The following PTPRN2 variants were observed in gnomAD, a reference collection of about 807,000 sequenced individuals.
PTPRN2 encodes protein tyrosine phosphatase receptor type N2, also known as receptor-type tyrosine-protein phosphatase N2.
A neutral mutation model predicts 118.8 loss-of-function variants in PTPRN2; 74 were observed. The observed-to-expected ratio is 0.62, with a 90% CI of 0.52 to 0.76. PTPRN2 has a LOEUF of 0.76. Among genes scored for constraint, PTPRN2 ranks in the 30% least tolerant of loss-of-function variants. PTPRN2 has a pLI of 0.00. For synonymous variants in PTPRN2, 641 were observed against 608.0 expected (o/e 1.05, Z -0.80); for missense variants, 1,481 against 1,394.4 (o/e 1.06, Z -0.99).
chr7:157,672,128 TG>T (rs1454308632), intron 13 of PTPRN2, among the ~76,000 whole-genome samples: 5 of 152,042 alleles, frequency 3.3e-5, no homozygotes, highest in African/African-American at 1.2e-4. Context: ...CCGCCTCACT[TG>T]GGGTTGATTT....
chr7:158,133,791 G>C lies in PTPRN2; in HGVS notation c.1442C>G (p.Ser481Trp), dbSNP rs369875860. The change falls in exon 9 of 23, where the codon TCG becomes TGG. Residue 481 changes from serine to tryptophan, a missense_variant. By Grantham distance (177) the Ser-to-Trp change is radical. This residue lies in a region of PTPRN2 where 1,115 missense variants were observed against 994.2 expected (regional missense o/e 1.12). Transcript: ENST00000389418. ...GELQNQMPGP[S>W]KEEQSLPAGA... ...CGCTGGAAGGCTCTGCTCCTCCTTCGAGGGCCCAGGCATCTGGTTTTGGAG... is the reference window on the plus strand; with the variant it reads ...CGCTGGAAGGCTCTGCTCCTCCTTCCAGGGCCCAGGCATCTGGTTTTGGAG... 1 of 1,613,812 alleles carries C rather than the reference G, an allele frequency of 6.2e-7. No homozygotes were observed. Among genetic ancestry groups the C allele is most frequent in the Non-Finnish European group, 8.5e-7 (1 of 1,180,028 alleles).
chr7:158,528,518 G>A (rs1824961744), intron 1 of PTPRN2, among the ~76,000 whole-genome samples: 3 of 152,084 alleles, frequency 2.0e-5, no homozygotes, highest in Admixed American at 1.3e-4. Context: ...CAGGCTCGGT[G>A]GCTCACACCT....
At chr7:158,097,607 C>A (rs1814737618) in intron 10 of PTPRN2, among the ~76,000 whole-genome samples, 1 of 152,190 alleles carries the variant, frequency 6.6e-6, no homozygotes, top group African/African-American at 2.4e-5. Context: ...TCTTTGGCAT[C>A]CTTTTTCCCA....
intron 11 of PTPRN2, among the ~76,000 whole-genome samples, chr7:157,962,315 G>A (rs748575854): frequency 6.6e-6 from 1 of 151,786 alleles, no homozygotes; most frequent in East Asian, 2.1e-4. Flanking sequence ...CCACACTTCA[G>A]CAGGAGTGTT....
rs143879886 is a variant in PTPRN2, at chr7:158,312,606, C to T, written c.277+4213G>A. On this transcript the variant is annotated intron_variant, in intron 3 of 22. Transcript: ENST00000389418. ...AAACACTCCCCCCATGTGAGGCTGA[C>T]AAAACTCAGGAAGACACCAGGATTT... Among the ~76,000 whole-genome samples, 933 of 151,174 alleles carry T rather than the reference C, an allele frequency of 6.2e-3. 15 individuals carry two copies. The highest frequency in any genetic ancestry group is 6.9e-3 in the Non-Finnish European group (470 of 67,852).
intron 3 of PTPRN2, among the ~76,000 whole-genome samples, chr7:158,211,207 A>T (rs1205331688): frequency 1.3e-5 from 2 of 152,288 alleles, no homozygotes; most frequent in East Asian, 3.9e-4. Context: ...AAGACCTCAA[A>T]CTATGAAACG....
intron 1 of PTPRN2, among the ~76,000 whole-genome samples, chr7:158,510,105 C>T (rs1316270230): frequency 1.3e-5 from 2 of 152,238 alleles, no homozygotes; most frequent in Non-Finnish European, 2.9e-5. Context: ...AGAGACACCT[C>T]AGAGCCTGTA....
At chr7:158,488,104 C>T (rs559048839) in intron 2 of PTPRN2, among the ~76,000 whole-genome samples, 1 of 152,308 alleles carries the variant, frequency 6.6e-6, no homozygotes, top group Admixed American at 6.5e-5. Context: ...GGCTTTTATT[C>T]TGCTGGGGCT....
chr7:157,778,067 A>T (rs1176153679), intron 12 of PTPRN2, among the ~76,000 whole-genome samples: 1 of 152,194 alleles, frequency 6.6e-6, no homozygotes, highest in Non-Finnish European at 1.5e-5. Flanking sequence ...AAAGTTACAG[A>T]ACCAGAGTCT....
At chr7:157,851,945 CCCGTTTT>C (rs1809308054) in intron 12 of PTPRN2, among the ~76,000 whole-genome samples, 1 of 152,116 alleles carries the variant, frequency 6.6e-6, no homozygotes, top group African/African-American at 2.4e-5. Flanking sequence ...GCGGGCAACA[CCCGTTTT>C]CCTAAAGATT....
At chr7:158,147,482 C>A (rs1214990140) in intron 6 of PTPRN2, among the ~76,000 whole-genome samples, 4 of 38,226 alleles carry the variant, frequency 1.0e-4, no homozygotes, top group Non-Finnish European at 2.3e-4. Flanking sequence ...GTCTTTCCCC[C>A]TCACTGACAC....
intron 2 of PTPRN2, among the ~76,000 whole-genome samples, chr7:158,472,753 C>T (rs939899299): frequency 3.3e-5 from 5 of 152,198 alleles, no homozygotes; most frequent in African/African-American, 7.2e-5. Flanking sequence ...AATGATTAGA[C>T]GGCGCCTCTA....
At chr7:158,535,911 A>G in intron 1 of PTPRN2, among the ~76,000 whole-genome samples, 1 of 149,356 alleles carries the variant, frequency 6.7e-6, no homozygotes. Flanking sequence ...TACTTCAAAA[A>G]TGAGTAATCT....
intron 6 of PTPRN2, among the ~76,000 whole-genome samples, chr7:158,151,033 C>G (rs187834378): frequency 5.4e-5 from 8 of 147,778 alleles, no homozygotes; most frequent in Non-Finnish European, 1.1e-4. Flanking sequence ...GGCCCTGTCA[C>G]TGTCCTGCCC....
intron 13 of PTPRN2, among the ~76,000 whole-genome samples, chr7:157,657,440 A>C (rs138004765): frequency 3.4e-5 from 3 of 87,892 alleles, no homozygotes; most frequent in East Asian, 7.7e-4. Flanking sequence ...ACACACACAC[A>C]CCACACACAT....
At chr7:158,291,440 T>C (rs1422440822) in intron 3 of PTPRN2, among the ~76,000 whole-genome samples, 2 of 152,238 alleles carry the variant, frequency 1.3e-5, no homozygotes, top group Non-Finnish European at 2.9e-5. Context: ...TTTTTTAGTC[T>C]AAGCTCTAGG....
chr7:157,709,641 C>A (rs555422267), intron 12 of PTPRN2, among the ~76,000 whole-genome samples: 1 of 152,206 alleles, frequency 6.6e-6, no homozygotes, highest in African/African-American at 2.4e-5. Context: ...CAGGAATGGG[C>A]GGTCCTGCTA....
intron 9 of PTPRN2, among the ~76,000 whole-genome samples, chr7:158,127,777 G>T (rs902510600): frequency 3.9e-5 from 6 of 152,178 alleles, no homozygotes; most frequent in African/African-American, 9.7e-5. Context: ...TTGCTGAGAG[G>T]TAAGGGGCTC....
intron 12 of PTPRN2, among the ~76,000 whole-genome samples, chr7:157,841,080 G>A (rs1278572719): frequency 2.6e-5 from 4 of 152,254 alleles, no homozygotes; most frequent in Non-Finnish European, 4.4e-5. Context: ...CCCTGCACTC[G>A]CTCCCAGCAC....
Sources: allele counts gnomAD v4.1 joint callset (sites outside exome capture counted in the v4.1 genomes callset), GRCh38; gene constraint gnomAD v4.1.1; regional missense constraint gnomAD v4.1.1; transcripts MANE v1.5; gene names NCBI Gene and HGNC (gene_info 2026-07-23, HGNC 2026-07-21).